The following GULP1 variants were observed in gnomAD, a reference collection of about 807,000 sequenced individuals.
The protein encoded by GULP1 is PTB domain-containing engulfment adapter protein 1.
In GULP1, 19 loss-of-function variants were observed where a neutral mutation model predicts 40.9. The ratio of observed to expected loss-of-function variants is 0.46; its 90% confidence interval spans 0.32 to 0.68. GULP1 has a LOEUF of 0.68. Ranked by LOEUF, GULP1 falls within the 30% of genes least tolerant of loss-of-function variation. GULP1 has a pLI of 0.03. For synonymous variants in GULP1, 119 were observed against 117.6 expected (o/e 1.01, Z -0.08); for missense variants, 312 against 362.2 (o/e 0.86, Z 1.12).
chr2:188,359,399 G>A (rs777948250), intron 1 of GULP1, among the ~76,000 whole-genome samples: 2 of 152,064 alleles, frequency 1.3e-5, no homozygotes, highest in African/African-American at 2.4e-5. Context: ...TTCTTAAAAT[G>A]ACAGTAAAAT....
chr2:188,456,491 G>T (rs1181736712), intron 2 of GULP1, among the ~76,000 whole-genome samples: 1 of 152,186 alleles, frequency 6.6e-6, no homozygotes, highest in African/African-American at 2.4e-5. Flanking sequence ...GCTTCCACAT[G>T]GTGTTGAGCC....
At chr2:188,382,460 A>G (rs1483061675) in intron 1 of GULP1, among the ~76,000 whole-genome samples, 1 of 151,952 alleles carries the variant, frequency 6.6e-6, no homozygotes. Context: ...CTTTCTTTTC[A>G]TCCCTGCTAA....
At chr2:188,312,380 A>C (rs552580713) in intron 1 of GULP1, among the ~76,000 whole-genome samples, 2 of 152,060 alleles carry the variant, frequency 1.3e-5, no homozygotes, top group African/African-American at 4.8e-5. Context: ...TCCCACTTAT[A>C]AATGAGAACA....
intron 1 of GULP1, among the ~76,000 whole-genome samples, chr2:188,359,546 A>G (rs968222788): frequency 6.6e-6 from 1 of 152,166 alleles, no homozygotes; most frequent in African/African-American, 2.4e-5. Context: ...AACATACAAA[A>G]TGAAAGCATT....
intron 2 of GULP1, among the ~76,000 whole-genome samples, chr2:188,406,419 G>A (rs2053111799): frequency 1.3e-5 from 2 of 152,086 alleles, no homozygotes; most frequent in Admixed American, 1.3e-4. Flanking sequence ...GACTGTAATT[G>A]TTTTAGGAAA....
chr2:188,544,091 G>A (rs1393196354), intron 7 of GULP1, among the ~76,000 whole-genome samples: 2 of 152,046 alleles, frequency 1.3e-5, no homozygotes, highest in East Asian at 3.9e-4. Flanking sequence ...CAATAAGGGG[G>A]CAGTGCATTT....
chr2:188,316,519 C>T (rs2039099332), intron 1 of GULP1, among the ~76,000 whole-genome samples: 1 of 152,064 alleles, frequency 6.6e-6, no homozygotes, highest in Non-Finnish European at 1.5e-5. Flanking sequence ...ATGGTATGGC[C>T]TCTTGATGCC....
intron 1 of GULP1, among the ~76,000 whole-genome samples, chr2:188,306,572 GA>G (rs1030350499): frequency 2.6e-5 from 4 of 152,154 alleles, no homozygotes; most frequent in African/African-American, 9.7e-5. Context: ...GTGTAAGCAG[GA>G]GGAGAGAATG....
chr2:188,501,161 G>A (rs1354565624), intron 4 of GULP1, among the ~76,000 whole-genome samples: 1 of 151,826 alleles, frequency 6.6e-6, no homozygotes, highest in African/African-American at 2.4e-5. Context: ...CAAATCTCTT[G>A]TGAAATTATA....
chr2:188,493,549 A>G (rs1030594173), intron 4 of GULP1, among the ~76,000 whole-genome samples: 3 of 152,002 alleles, frequency 2.0e-5, no homozygotes, highest in Admixed American at 6.6e-5. Flanking sequence ...TTTCCTGCCT[A>G]AATGTCACCC....
chr2:188,475,687 G>A (rs1004195477), intron 2 of GULP1, among the ~76,000 whole-genome samples: 19 of 151,724 alleles, frequency 1.3e-4, no homozygotes, highest in African/African-American at 4.6e-4. Context: ...CATATATTAC[G>A]TTCTTTTTCT....
intron 2 of GULP1, among the ~76,000 whole-genome samples, chr2:188,439,534 A>T (rs1359785706): frequency 6.6e-6 from 1 of 152,102 alleles, no homozygotes; most frequent in Non-Finnish European, 1.5e-5. Context: ...TAAAAATGTG[A>T]GATGTGAGAA....
intron 4 of GULP1, among the ~76,000 whole-genome samples, chr2:188,514,131 C>A (rs1043018495): frequency 6.8e-6 from 1 of 147,702 alleles, no homozygotes; most frequent in African/African-American, 2.5e-5. Context: ...TCCAGCTTTG[C>A]CCCGAGCTAT....
chr2:188,519,347 A>G lies in GULP1; in HGVS notation c.91-3409A>G, dbSNP rs148890564. On this transcript the variant is annotated intron_variant, in intron 4 of 11. Coordinates refer to ENST00000409830, the MANE Select transcript of GULP1 (RefSeq NM_016315.4). Reference sequence around the variant, plus strand: ...TTCCATATTTTTCCCCTATGGCCTTATTTGCATATAATACTTTTGACTCAT... The same window carrying G: ...TTCCATATTTTTCCCCTATGGCCTTGTTTGCATATAATACTTTTGACTCAT... Among the ~76,000 whole-genome samples, 200 of 152,288 alleles carry G rather than the reference A, an allele frequency of 1.3e-3. 2 individuals carry two copies. The highest frequency in any genetic ancestry group is 5.3e-3 in the Admixed American group (81 of 15,300).
chr2:188,506,644 T>A (rs2063946523), intron 4 of GULP1, among the ~76,000 whole-genome samples: 1 of 151,898 alleles, frequency 6.6e-6, no homozygotes, highest in South Asian at 2.1e-4. Context: ...AACAAAACAA[T>A]TAGAAACAGC....
intron 2 of GULP1, among the ~76,000 whole-genome samples, chr2:188,416,680 C>G (rs1047284673): frequency 3.3e-5 from 5 of 152,128 alleles, no homozygotes; most frequent in African/African-American, 1.2e-4. Context: ...GTCTTTGTGT[C>G]CTCCATCCTG....
chr2:188,355,264 G>A (rs1209761152), intron 1 of GULP1, among the ~76,000 whole-genome samples: 1 of 151,712 alleles, frequency 6.6e-6, no homozygotes, highest in Admixed American at 6.6e-5. Flanking sequence ...TAAAAGATAA[G>A]TAAAATCAAC....
intron 4 of GULP1, among the ~76,000 whole-genome samples, chr2:188,487,749 A>G (rs969048953): frequency 6.6e-6 from 1 of 152,062 alleles, no homozygotes; most frequent in Non-Finnish European, 1.5e-5. Context: ...AGAGGTTTAC[A>G]AAGAAAGATT....
intron 1 of GULP1, among the ~76,000 whole-genome samples, chr2:188,333,840 C>T (rs936833838): frequency 2.0e-5 from 3 of 152,112 alleles, no homozygotes; most frequent in Non-Finnish European, 2.9e-5. Flanking sequence ...AGCTGCAGTT[C>T]GGATGTGATC....
Sources: gnomAD v4.1 joint callset for allele counts (sites outside exome capture counted in the v4.1 genomes callset) on GRCh38, gnomAD v4.1.1 for gene constraint, MANE v1.5 for transcripts, NCBI Gene and HGNC (gene_info 2026-07-23, HGNC 2026-07-21) for gene names.